The following ST18 variants were observed in gnomAD, a reference collection of about 807,000 sequenced individuals.
ST18 encodes ST18 C2H2C-type zinc finger transcription factor, also known as suppression of tumorigenicity 18 protein.
A neutral mutation model predicts 110.0 loss-of-function variants in ST18; 50 were observed. The ratio of observed to expected loss-of-function variants is 0.45; its 90% CI spans 0.36 to 0.58. ST18 has a LOEUF of 0.58. Among genes scored for constraint, ST18 ranks in the 20% least tolerant of loss-of-function variants. The probability of loss-of-function intolerance (pLI) is 0.00; values close to 1 mark genes in which losing one functional copy is unlikely to be tolerated. For synonymous variants in ST18, 461 were observed against 452.4 expected (o/e 1.02, Z -0.24); for missense variants, 1,306 against 1,280.1 (o/e 1.02, Z -0.31).
intron 12 of ST18, among the ~76,000 whole-genome samples, 161 bp from the exon 13 acceptor site, chr8:52,164,251 A>G (rs1032515488): frequency 6.6e-6 from 1 of 152,240 alleles, no homozygotes; most frequent in African/African-American, 2.4e-5. Context: ...GGGTTTTGCA[A>G]ACTACAGTGT....
At chr8:52,278,278 G>C (rs920848515) in intron 2 of ST18, among the ~76,000 whole-genome samples, 7 of 152,204 alleles carry the variant, frequency 4.6e-5, no homozygotes, top group Non-Finnish European at 5.9e-5. Context: ...GCATTATGTA[G>C]ATTCCATTTG....
At chr8:52,235,319 T>G (rs910175741) in intron 2 of ST18, among the ~76,000 whole-genome samples, 1 of 152,088 alleles carries the variant, frequency 6.6e-6, no homozygotes, top group Admixed American at 6.6e-5. Flanking sequence ...CCACGCCTGC[T>G]CCTATGGTAG....
intron 2 of ST18, chr8:52,301,949 G>A (rs2095730996): frequency 6.6e-6 from 1 of 152,228 alleles, no homozygotes; most frequent in African/African-American, 2.4e-5. Context: ...TGCAGGCCAG[G>A]TGAGGACAGT....
Position 52,321,108 on chromosome 8 carries a change from A to G in ST18, c.-465+88220T>C, listed in dbSNP as rs929328551. Among the ~76,000 whole-genome samples, 4 of 152,210 alleles carry G rather than the reference A, an allele frequency of 2.6e-5. No homozygotes were observed. The East Asian group carries it at 5.8e-4, about 22-fold the overall frequency. Reference sequence around the variant, plus strand: ...ACCAAAGTCACAGATTTTCAGTCACACAAAAGCAGGGCCGTGTATTGTTTA... The same window carrying G: ...ACCAAAGTCACAGATTTTCAGTCACGCAAAAGCAGGGCCGTGTATTGTTTA... On this transcript the variant is annotated intron_variant, in intron 2 of 25. Coordinates refer to ENST00000689386, the MANE Select transcript of ST18 (RefSeq NM_001352837.2).
intron 2 of ST18, among the ~76,000 whole-genome samples, chr8:52,368,386 T>G (rs1435895809): frequency 6.6e-6 from 1 of 152,248 alleles, no homozygotes; most frequent in Non-Finnish European, 1.5e-5. Flanking sequence ...CCCAAAAATG[T>G]TCACCAGCTG....
intron 14 of ST18, among the ~76,000 whole-genome samples, chr8:52,161,078 T>C (rs1424612955): frequency 6.6e-6 from 1 of 152,272 alleles, no homozygotes; most frequent in Non-Finnish European, 1.5e-5. Flanking sequence ...TCCAGCTAAC[T>C]GTGAGTTAAA....
intron 3 of ST18, among the ~76,000 whole-genome samples, chr8:52,225,677 T>C (rs1202808693): frequency 6.6e-6 from 1 of 152,230 alleles, no homozygotes; most frequent in Non-Finnish European, 1.5e-5. Context: ...TCCGTGTTTC[T>C]ATCCAGGAAT....
chr8:52,316,620 A>G (rs2096031969), intron 2 of ST18, among the ~76,000 whole-genome samples: 1 of 152,168 alleles, frequency 6.6e-6, no homozygotes, highest in Non-Finnish European at 1.5e-5. Flanking sequence ...ACTTACTTTT[A>G]CTATTTTGAA....
intron 2 of ST18, chr8:52,249,540 G>A (rs1484122126): frequency 6.6e-6 from 1 of 152,054 alleles, no homozygotes; most frequent in Non-Finnish European, 1.5e-5. Flanking sequence ...TTTACTTAAC[G>A]ACCAATCTCA....
At chr8:52,263,005 C>T (rs1033774396) in intron 2 of ST18, among the ~76,000 whole-genome samples, 7 of 152,246 alleles carry the variant, frequency 4.6e-5, no homozygotes, top group Non-Finnish European at 1.0e-4. Context: ...AAGCCCACAT[C>T]TGTGGAGCCA....
chr8:52,142,900 T>G (rs1391239912), intron 17 of ST18, 30 bp downstream of exon 17: 1 of 1,454,772 alleles, frequency 6.9e-7, no homozygotes, highest in East Asian at 2.3e-5. Flanking sequence ...TTCCAGAATC[T>G]TAGAGGGCAT....
chr8:52,320,454 T>C (rs1803388593), intron 2 of ST18, among the ~76,000 whole-genome samples: 1 of 152,158 alleles, frequency 6.6e-6, no homozygotes. Context: ...AAGATCCATG[T>C]AAAACATGTA....
At chr8:52,317,600 C>T (rs894588657) in intron 2 of ST18, among the ~76,000 whole-genome samples, 2 of 152,170 alleles carry the variant, frequency 1.3e-5, no homozygotes, top group Non-Finnish European at 2.9e-5. Flanking sequence ...CCCTATACGT[C>T]ATGGTGTGTT....
At chr8:52,335,807 C>T (rs183353080) in intron 2 of ST18, among the ~76,000 whole-genome samples, 1 of 152,214 alleles carries the variant, frequency 6.6e-6, no homozygotes, top group African/African-American at 2.4e-5. Context: ...CCTCTCTGTT[C>T]CCTCCTTTAA....
chr8:52,132,038 G>C lies in ST18; in HGVS notation c.2586C>G (p.Asn862Lys), dbSNP rs971768088. 6.2e-7 allele frequency: 1 copy of C among 1,614,204 alleles called. No homozygotes were observed. Among genetic ancestry groups the C allele is most frequent in the Non-Finnish European group, 8.5e-7 (1 of 1,180,032 alleles). Residue 862 changes from asparagine to lysine, a missense_variant, in exon 22 of 26, where the codon AAC (asparagine) becomes AAG (lysine). Asn to Lys is a moderately conservative substitution (Grantham distance 94). Transcript: ENST00000689386. ...AGGGACAATGTGGTAGCTCTTGTTT[G>C]TTCAGTTTCCAGGAGAGGGAGGCTC... ...LNGASLSWKL[N>K]KQELPHCPLP...
Position 52,149,612 on chromosome 8 carries a change from A to C in ST18, c.2052+120T>G, listed in dbSNP as rs916693079. The C allele has an allele frequency of 5.3e-6, 7 of 1,331,916 alleles. No individual in the cohort carries two copies. The Admixed American group carries it at 2.2e-4, about 41-fold the overall frequency. 82.5% of individuals were successfully genotyped at this position (1,331,916 alleles called of 1,614,324 possible). A position where few individuals can be genotyped will look rare whatever the true frequency, so the allele number is the denominator to read the frequency against. On this transcript the variant is annotated intron_variant, in intron 16 of 25. Transcript: ENST00000689386. ...TCACCACTTTATCAAAATCTAAAGCAAGGTACAGAATTATGTATTATCTAA... is the reference window on the plus strand; with the variant it reads ...TCACCACTTTATCAAAATCTAAAGCCAGGTACAGAATTATGTATTATCTAA...
intron 2 of ST18, among the ~76,000 whole-genome samples, chr8:52,391,047 G>C (rs979662308): frequency 4.6e-5 from 7 of 152,136 alleles, no homozygotes; most frequent in African/African-American, 1.7e-4. Context: ...GATGCTGTGT[G>C]TACCCAGGAC....
intron 2 of ST18, among the ~76,000 whole-genome samples, chr8:52,267,995 C>T (rs2094929447): frequency 6.6e-6 from 1 of 152,146 alleles, no homozygotes; most frequent in African/African-American, 2.4e-5. Flanking sequence ...TCATAGTTCA[C>T]CCCAAAATAT....
chr8:52,256,618 T>C (rs184052113), intron 2 of ST18, among the ~76,000 whole-genome samples: 2 of 152,320 alleles, frequency 1.3e-5, no homozygotes, highest in East Asian at 3.9e-4. Context: ...AGCAATAGCA[T>C]TAGTGAACCA....
Sources: allele counts gnomAD v4.1 joint callset (sites outside exome capture counted in the v4.1 genomes callset), GRCh38; gene constraint gnomAD v4.1.1; transcripts MANE v1.5; gene names NCBI Gene and HGNC (gene_info 2026-07-23, HGNC 2026-07-21).